The following LRFN5 variants were observed in gnomAD, a reference collection of about 807,000 sequenced individuals.
The protein encoded by LRFN5 is leucine rich repeat and fibronectin type III domain containing 5, also known as leucine-rich repeat and fibronectin type-III domain-containing protein 5.
A neutral mutation model predicts 45.6 loss-of-function variants in LRFN5; 24 were observed. The ratio of observed to expected loss-of-function variants is 0.53; its 90% CI spans 0.38 to 0.74. LRFN5 has a LOEUF of 0.74. Ranked by LOEUF, LRFN5 falls within the 30% of genes least tolerant of loss-of-function variation. The probability of loss-of-function intolerance (pLI) is 0.00; values close to 1 mark genes in which losing one functional copy is unlikely to be tolerated. For missense variants in LRFN5, 776 were observed against 861.5 expected (o/e 0.90, Z 1.24); for synonymous variants, 340 against 313.8 (o/e 1.08, Z -0.88).
chr14:41,862,584 C>G (rs1336664591), intron 2 of LRFN5, among the ~76,000 whole-genome samples: 2 of 151,970 alleles, frequency 1.3e-5, no homozygotes, highest in Non-Finnish European at 2.9e-5. Context: ...TGTGAAAAGG[C>G]TGGATCATAA....
intron 1 of LRFN5, among the ~76,000 whole-genome samples, chr14:41,761,351 A>G (rs1408092572): frequency 6.6e-6 from 1 of 152,016 alleles, no homozygotes; most frequent in African/African-American, 2.4e-5. Flanking sequence ...AGAAGGGAGA[A>G]GGGAAGAAAG....
In LRFN5 at chr14:41,891,791, C is replaced by A; in HGVS notation, c.1927C>A (p.Gln643Lys). 1 of 1,614,118 alleles carries A rather than the reference C, an allele frequency of 6.2e-7. No homozygotes were observed. The highest frequency in any genetic ancestry group is 8.5e-7 in the Non-Finnish European group (1 of 1,180,022). Residue 643 changes from glutamine to lysine, a missense_variant, in exon 4 of 6, where the codon CAG becomes AAG. Gln to Lys is a moderately conservative substitution (Grantham distance 53). Coordinates refer to ENST00000298119, the MANE Select transcript of LRFN5 (RefSeq NM_152447.5). ...WTSSTSVSQKQKRKTGTKPST... is the reference protein window; with the variant it reads ...WTSSTSVSQKKKRKTGTKPST... ...TTCAAGCACTTCTGTGTCCCAAAAG[C>A]AGAAAAGAAAGACTGGCACAAAGCC...
chr14:41,820,166 G>A (rs1888065012), intron 2 of LRFN5, among the ~76,000 whole-genome samples: 1 of 150,752 alleles, frequency 6.6e-6, no homozygotes, highest in African/African-American at 2.4e-5. Flanking sequence ...TTGCTTTTGA[G>A]GTCTTAGTCA....
intron 2 of LRFN5, among the ~76,000 whole-genome samples, chr14:41,859,871 C>T (rs1264877324): frequency 6.6e-6 from 1 of 152,078 alleles, no homozygotes. Flanking sequence ...TTATTTGTGC[C>T]AGGTTTCTTA....
At chr14:41,815,826 T>A (rs1003732109) in intron 2 of LRFN5, among the ~76,000 whole-genome samples, 3 of 152,098 alleles carry the variant, frequency 2.0e-5, no homozygotes, top group Non-Finnish European at 2.9e-5. Context: ...AATTGGATCT[T>A]GTTTCTTGAT....
chr14:41,836,673 A>G (rs1232615559), intron 2 of LRFN5, among the ~76,000 whole-genome samples: 2 of 152,116 alleles, frequency 1.3e-5, no homozygotes, highest in South Asian at 2.1e-4. Context: ...AATTGACACG[A>G]TCTTTGGCCT....
intron 2 of LRFN5, among the ~76,000 whole-genome samples, chr14:41,800,401 G>A (rs1381594141): frequency 6.6e-6 from 1 of 151,772 alleles, no homozygotes. Flanking sequence ...ACTAAAATTG[G>A]TAAAAGTGAG....
intron 2 of LRFN5, among the ~76,000 whole-genome samples, chr14:41,801,287 G>C (rs1887322568): frequency 6.6e-6 from 1 of 152,082 alleles, no homozygotes; most frequent in Admixed American, 6.6e-5. Context: ...GTATATGTAT[G>C]TTTGTAAAGC....
chr14:41,655,330 T>C (rs2138627546), intron 1 of LRFN5, among the ~76,000 whole-genome samples: 1 of 152,126 alleles, frequency 6.6e-6, no homozygotes, highest in Non-Finnish European at 1.5e-5. Context: ...CTAATAATAT[T>C]TGAACAGAGA....
chr14:41,898,844 C>G lies in LRFN5; in HGVS notation c.2099-73C>G, dbSNP rs541894704. On this transcript the variant is annotated intron_variant, in intron 4 of 5. Coordinates refer to ENST00000298119, the MANE Select transcript of LRFN5 (RefSeq NM_152447.5). ...TTGATATGAAGTATTACCAAGATTT[C>G]AGTAAGAGGTTTTTTGAATCTATTT... The G allele has an allele frequency of 2.9e-6, 4 of 1,365,348 alleles. No homozygotes were observed. In the African/African-American group the frequency reaches 5.8e-5, roughly 20 times the overall value. 84.6% of individuals were successfully genotyped at this position (1,365,348 alleles called of 1,614,324 possible).
chr14:41,650,885 A>AAGAGAGAGAGAGAGAGAG (rs553509448), intron 1 of LRFN5, among the ~76,000 whole-genome samples: 2 of 104,814 alleles, frequency 1.9e-5, no homozygotes, highest in African/African-American at 3.9e-5. Flanking sequence ...GAGACAGAGA[A>AAGAGAGAGAGAGAGAGAG]AGAGAGAGAG....
chr14:41,900,939 A>C (rs971776684), intron 5 of LRFN5, among the ~76,000 whole-genome samples: 53 of 152,198 alleles, frequency 3.5e-4, no homozygotes, highest in African/African-American at 1.3e-3. Flanking sequence ...TTCAGCTCCG[A>C]GTTTTCCGTA....
intron 2 of LRFN5, among the ~76,000 whole-genome samples, chr14:41,815,772 A>G (rs1887896111): frequency 6.6e-6 from 1 of 151,850 alleles, no homozygotes; most frequent in African/African-American, 2.4e-5. Context: ...ATAAATAAAT[A>G]AATAAATAAA....
intron 2 of LRFN5, among the ~76,000 whole-genome samples, chr14:41,878,924 T>G (rs1477766436): frequency 6.6e-6 from 1 of 152,142 alleles, no homozygotes; most frequent in Non-Finnish European, 1.5e-5. Context: ...AAATGAAAAC[T>G]ATGCTTCTTT....
chr14:41,846,966 T>C lies in LRFN5; in HGVS notation c.-20-39640T>C, dbSNP rs575985075. ...TTTTCTATTAACTTTACTTCCATCTTCAAGCTTCTTTTTGCTGTGTAAAGT... is the reference window on the plus strand; with the variant it reads ...TTTTCTATTAACTTTACTTCCATCTCCAAGCTTCTTTTTGCTGTGTAAAGT... On this transcript the variant is annotated intron_variant, in intron 2 of 5. Coordinates refer to ENST00000298119, the MANE Select transcript of LRFN5 (RefSeq NM_152447.5). Among the ~76,000 whole-genome samples the C allele has an allele frequency of 3.9e-5, 6 of 152,262 alleles. No individual in the cohort carries two copies. In the South Asian group the frequency reaches 1.2e-3, roughly 32 times the overall value.
chr14:41,853,907 T>G (rs10139473), intron 2 of LRFN5, among the ~76,000 whole-genome samples: 28,696 of 151,976 alleles, frequency 0.19, 3,399 homozygotes, highest in East Asian at 0.48. Flanking sequence ...GATTTACTGG[T>G]TTCTTATTCT....
At chr14:41,806,846 G>A (rs1407987545) in intron 2 of LRFN5, among the ~76,000 whole-genome samples, 1 of 152,112 alleles carries the variant, frequency 6.6e-6, no homozygotes, top group African/African-American at 2.4e-5. Flanking sequence ...CTGCTGGCCT[G>A]GACAGCTCCT....
chr14:41,771,638 G>A (rs1886093100), intron 2 of LRFN5, among the ~76,000 whole-genome samples: 3 of 152,102 alleles, frequency 2.0e-5, no homozygotes, highest in Admixed American at 6.5e-5. Context: ...TTGCTAGGGT[G>A]TAACAGGGAG....
At chr14:41,683,283 A>C (rs956789959) in intron 1 of LRFN5, among the ~76,000 whole-genome samples, 9 of 152,190 alleles carry the variant, frequency 5.9e-5, no homozygotes, top group Non-Finnish European at 1.0e-4. Flanking sequence ...TCATGATAAA[A>C]TATCTCAAAC....
Sources: allele counts gnomAD v4.1 joint callset (sites outside exome capture counted in the v4.1 genomes callset), GRCh38; gene constraint gnomAD v4.1.1; transcripts MANE v1.5; gene names NCBI Gene and HGNC (gene_info 2026-07-23, HGNC 2026-07-21).